The following ATP8B4 variants were observed in gnomAD, a reference collection of about 807,000 sequenced individuals.
The protein encoded by ATP8B4 is ATPase phospholipid transporting 8B4 (putative).
A neutral mutation model predicts 145.6 loss-of-function variants in ATP8B4; 133 were observed. The ratio of observed to expected loss-of-function variants is 0.91; its 90% CI spans 0.79 to 1.05. ATP8B4 has a LOEUF of 1.05. ATP8B4 is among the 50% of genes least tolerant of loss of function. The pLI, the probability that ATP8B4 is intolerant of heterozygous loss-of-function variation, is 0.00. For synonymous variants in ATP8B4, 507 were observed against 492.9 expected (o/e 1.03, Z -0.38); for missense variants, 1,458 against 1,425.2 (o/e 1.02, Z -0.37).
In ATP8B4 at chr15:49,920,409, T is replaced by A. The variant is rs759032838; in HGVS notation, c.1760A>T (p.Glu587Val). 20 of 1,611,966 alleles carry A rather than the reference T, an allele frequency of 1.2e-5. No individual in the cohort carries two copies. The Admixed American group carries it at 3.4e-4, about 27-fold the overall frequency. ...GGTCCGAAGGCCTTCCCCTGCAAAT[T>A]CCTGCCAGAGATGACATAGACTCAT... is the stretch of plus-strand genomic sequence containing the variant. ...LLSLTSDHLS[E>V]FAGEGLRTLA... Residue 587 changes from glutamate to valine, a missense_variant and splice_region_variant, in exon 18 of 28, where the codon GAA becomes GTA. Glu to Val is a moderately radical substitution (Grantham distance 121, BLOSUM62 -2). Coordinates refer to ENST00000284509, the MANE Select transcript of ATP8B4 (RefSeq NM_024837.4).
At chr15:49,959,674 G>A (rs969983010) in intron 14 of ATP8B4, among the ~76,000 whole-genome samples, 2 of 151,882 alleles carry the variant, frequency 1.3e-5, no homozygotes, top group African/African-American at 4.8e-5. Flanking sequence ...GAGGCATAAT[G>A]GAGAGAAAGA....
chr15:49,973,165 C>A (rs762485335), intron 12 of ATP8B4, among the ~76,000 whole-genome samples: 1 of 152,120 alleles, frequency 6.6e-6, no homozygotes, highest in Non-Finnish European at 1.5e-5. Context: ...TTGTGGAGGA[C>A]GCTTTTCCAC....
At chr15:49,979,560 A>G (rs1055431038) in intron 12 of ATP8B4, 57 bp downstream of exon 12, 2 of 1,318,404 alleles carry the variant, frequency 1.5e-6, no homozygotes, top group Admixed American at 4.9e-5. Context: ...AACAAATAAT[A>G]TTGGAAACAA....
chr15:50,073,009 TATATATATATACAC>T (rs1314383911), intron 3 of ATP8B4, among the ~76,000 whole-genome samples: 2,163 of 50,508 alleles, frequency 0.043, 120 homozygotes, highest in Middle Eastern at 0.074. Context: ...TATATATATA[TATATATATATACAC>T]ACACACACAC....
chr15:50,173,403 C>T (rs951201843), intron 1 of ATP8B4, among the ~76,000 whole-genome samples: 6 of 152,102 alleles, frequency 3.9e-5, no homozygotes, highest in Admixed American at 1.3e-4. Context: ...CCCCCAACCC[C>T]GTGCTCTCTG....
chr15:49,862,369 G>C lies in ATP8B4; in HGVS notation c.3173C>G (p.Ala1058Gly), dbSNP rs2031982465. The C allele has an allele frequency of 1.9e-6, 3 of 1,613,148 alleles. No homozygotes were observed. Among genetic ancestry groups the C allele is most frequent in the Admixed American group, 3.3e-5 (2 of 59,994 alleles). ...FPNQFPFVGNARHSLTQKCIW... is the reference protein window; with the variant it reads ...FPNQFPFVGNGRHSLTQKCIW... The stretch of plus-strand genomic sequence containing the variant: ...GCACTTCTGGGTCAGGGAATGTCGT[G>C]CATTACCTATCAATCATTAAAGAAA... Residue 1058 changes from alanine to glycine, a missense_variant, in exon 27 of 28, where the codon GCA becomes GGA. By Grantham distance (60) the Ala-to-Gly change is moderately conservative. Coordinates refer to ENST00000284509, the MANE Select transcript of ATP8B4 (RefSeq NM_024837.4).
chr15:49,976,933 A>G (rs2153528756), intron 12 of ATP8B4, among the ~76,000 whole-genome samples: 1 of 152,292 alleles, frequency 6.6e-6, no homozygotes, highest in East Asian at 1.9e-4. Flanking sequence ...CAACATAGAA[A>G]TGAATTCCTA....
At chr15:50,044,465 G>T in intron 5 of ATP8B4, 129 bp downstream of exon 5, 1 of 590,230 alleles carries the variant, frequency 1.7e-6, no homozygotes, top group Non-Finnish European at 2.8e-6. Context: ...CAAACAAATA[G>T]TAAAATAGCT....
At chr15:49,924,749 G>T (rs555921492) in intron 16 of ATP8B4, among the ~76,000 whole-genome samples, 18 of 152,042 alleles carry the variant, frequency 1.2e-4, no homozygotes, top group Non-Finnish European at 2.1e-4. Flanking sequence ...TAAGACCCTT[G>T]GTTAGCTTGC....
intron 12 of ATP8B4, among the ~76,000 whole-genome samples, chr15:49,974,548 A>C (rs1423261304): frequency 6.6e-6 from 1 of 151,874 alleles, no homozygotes; most frequent in Non-Finnish European, 1.5e-5. Flanking sequence ...TTTTGTTTCC[A>C]GTTTTTCAAT....
At chr15:50,117,542 T>C (rs915529134) in intron 1 of ATP8B4, among the ~76,000 whole-genome samples, 7 of 152,218 alleles carry the variant, frequency 4.6e-5, no homozygotes, top group Non-Finnish European at 1.0e-4. Context: ...TAAATATTTC[T>C]GCATGATGAG....
chr15:50,009,789 A>C, intron 7 of ATP8B4: 1 of 388,640 alleles, frequency 2.6e-6, no homozygotes, highest in Admixed American at 3.2e-5. Context: ...ACCAGAGTGG[A>C]CTTTGAGACC....
At position 49,860,306 on chromosome 15, in the gene ATP8B4, G is replaced by A. The variant is rs898446190; in HGVS notation, c.3467C>T (p.Thr1156Ile). ...ATAATGTGTCTTTTCCAGCCCTGAT[G>A]TTGGGGGTGGATTTTTAGCTCGCAT... ...KNMRAKNPPPTSGLEKTHYNS... is the reference protein window; with the variant it reads ...KNMRAKNPPPISGLEKTHYNS... Residue 1156 changes from threonine (T) to isoleucine (I), a missense_variant, in exon 28 of 28, where the codon ACA (threonine) becomes ATA (isoleucine). Coordinates refer to ENST00000284509, the MANE Select transcript of ATP8B4 (RefSeq NM_024837.4). 5.0e-6 allele frequency: 8 copies of A among 1,614,030 alleles called. No individual in the cohort carries two copies. Among genetic ancestry groups the A allele is most frequent in the Non-Finnish European group, 6.8e-6 (8 of 1,180,014 alleles).
intron 10 of ATP8B4, 144 bp from the exon 11 acceptor site, chr15:49,981,438 T>G (rs565952325): frequency 1.6e-6 from 1 of 613,590 alleles, no homozygotes; most frequent in African/African-American, 1.8e-5. Context: ...GCCATTAAGT[T>G]GTACATGATT....
chr15:49,969,047 G>A (rs1467012895), intron 13 of ATP8B4, among the ~76,000 whole-genome samples: 1 of 152,140 alleles, frequency 6.6e-6, no homozygotes, highest in Non-Finnish European at 1.5e-5. Flanking sequence ...CGAAATAAAG[G>A]CAGAAATAAG....
intron 3 of ATP8B4, 37 bp downstream of exon 3, chr15:50,074,090 T>G: frequency 1.3e-6 from 2 of 1,577,984 alleles, no homozygotes; most frequent in Non-Finnish European, 1.7e-6. Context: ...AGGTAAGACC[T>G]ATCCTAGTAC....
intron 5 of ATP8B4, 31 bp downstream of exon 5, chr15:50,044,563 A>T (rs1447892711): frequency 1.4e-6 from 2 of 1,438,844 alleles, no homozygotes; most frequent in Non-Finnish European, 1.9e-6. Context: ...TGAAATTGAG[A>T]CCTCAAGAAT....
At chr15:50,070,951 C>T (rs759536791) in intron 3 of ATP8B4, among the ~76,000 whole-genome samples, 3 of 152,124 alleles carry the variant, frequency 2.0e-5, no homozygotes, top group Non-Finnish European at 4.4e-5. Context: ...CCATATTGGC[C>T]AGGCTGGTCT....
intron 16 of ATP8B4, 26 bp from the exon 17 acceptor site, chr15:49,923,520 C>T (rs746491048): frequency 4.0e-6 from 6 of 1,493,020 alleles, no homozygotes; most frequent in Middle Eastern, 3.5e-4. Flanking sequence ...TTTGGAAAAG[C>T]AGAATATAAT....
Sources: gnomAD v4.1 joint callset for allele counts (sites outside exome capture counted in the v4.1 genomes callset) on GRCh38, gnomAD v4.1.1 for gene constraint, MANE v1.5 for transcripts, NCBI Gene and HGNC (gene_info 2026-07-23, HGNC 2026-07-21) for gene names.